Variants in AP4S1 observed in about 807,000 individuals in gnomAD.
AP4S1 encodes the protein AP-4 complex subunit sigma-1.
In AP4S1, 23 loss-of-function variants were observed where a neutral mutation model predicts 19.8. The ratio of observed to expected loss-of-function variants is 1.16; its 90% confidence interval spans 0.84 to 1.65. The LOEUF (loss-of-function observed/expected upper bound fraction) is 1.65, where lower values mean the gene tolerates loss of function less well. AP4S1 is among the 40% of genes most tolerant of loss of function. The pLI is 0.00. For missense variants in AP4S1, 166 were observed against 172.8 expected, an observed-to-expected ratio of 0.96 and a Z score of 0.22; for synonymous variants, 46 against 54.1, an observed-to-expected ratio of 0.85 and a Z score of 0.66.
intron 5 of AP4S1, among the ~76,000 whole-genome samples, chr14:31,082,763 G>T (rs1251208095): frequency 5.3e-5 from 8 of 152,152 alleles, no homozygotes; most frequent in Admixed American, 2.0e-4. Flanking sequence ...GGGCGCGGTG[G>T]CGGGCGCCTG....
At chr14:31,054,695 A>C (rs1885999413) in intron 1 of AP4S1, among the ~76,000 whole-genome samples, 1 of 151,786 alleles carries the variant, frequency 6.6e-6, no homozygotes, top group South Asian at 2.1e-4. Context: ...TCTCAAAAAA[A>C]TAAATTAATT....
intron 1 of AP4S1, chr14:31,032,981 A>G (rs938998314): frequency 4.6e-5 from 7 of 152,226 alleles, no homozygotes; most frequent in Non-Finnish European, 1.0e-4. Context: ...TGAAGAAAGA[A>G]AGCTGAAGAG....
intron 5 of AP4S1, among the ~76,000 whole-genome samples, chr14:31,088,807 CAAAAAAA>C (rs1283476951): frequency 8.5e-5 from 3 of 35,350 alleles, no homozygotes; most frequent in Non-Finnish European, 1.8e-4. Context: ...GACTCCATCT[CAAAAAAA>C]AAAAAAAAAA....
intron 4 of AP4S1, among the ~76,000 whole-genome samples, chr14:31,077,183 C>T (rs553049947): frequency 4.6e-5 from 7 of 152,240 alleles, no homozygotes; most frequent in African/African-American, 9.6e-5. Context: ...GTGATCCGCC[C>T]GCCTCAGCCT....
chr14:31,083,561 G>C (rs1205231199), intron 5 of AP4S1: 2 of 432,536 alleles, frequency 4.6e-6, no homozygotes, highest in African/African-American at 4.6e-5. Flanking sequence ...CTGGAGTGCA[G>C]AGGTGCGATC....
intron 1 of AP4S1, among the ~76,000 whole-genome samples, chr14:31,046,818 C>A (rs1247765485): frequency 6.7e-6 from 1 of 150,008 alleles, no homozygotes; most frequent in Non-Finnish European, 1.5e-5. Context: ...TGCACTCCAG[C>A]CTGGGCAACA....
chr14:31,063,745 G>T (rs1318132022), intron 1 of AP4S1, among the ~76,000 whole-genome samples: 4 of 152,170 alleles, frequency 2.6e-5, no homozygotes, highest in African/African-American at 9.7e-5. Flanking sequence ...ATTAGTGGAA[G>T]AATCGATGAA....
chr14:31,041,414 G>T (rs1885106419), intron 1 of AP4S1, among the ~76,000 whole-genome samples: 1 of 152,164 alleles, frequency 6.6e-6, no homozygotes, highest in South Asian at 2.1e-4. Flanking sequence ...CTCCCAAAGT[G>T]CTGGGATTAT....
At chr14:31,059,977 GTATATA>G (rs1886334156) in intron 1 of AP4S1, among the ~76,000 whole-genome samples, 1 of 71,156 alleles carries the variant, frequency 1.4e-5, no homozygotes, top group Non-Finnish European at 3.0e-5. Flanking sequence ...ATGTATTTAT[GTATATA>G]TGTATATATA....
chr14:31,081,628 G>C (rs1246647094), intron 5 of AP4S1, among the ~76,000 whole-genome samples: 1 of 151,448 alleles, frequency 6.6e-6, no homozygotes, highest in East Asian at 1.9e-4. Flanking sequence ...ATATAAAATA[G>C]TAAATTAATT....
At chr14:31,080,265 A>T (rs1887568589) in intron 4 of AP4S1, among the ~76,000 whole-genome samples, 1 of 152,256 alleles carries the variant, frequency 6.6e-6, no homozygotes, top group Non-Finnish European at 1.5e-5. Flanking sequence ...GCACATTGTT[A>T]AGATCTCTGA....
chr14:31,093,049 C>T lies in AP4S1; in HGVS notation c.*14C>T, dbSNP rs780204446. ...TCAGAAAGCTGAAAGGAAGTCTCTT[C>T]GAGACAATATGGATTTATCAGAAAT... is the stretch of plus-strand genomic sequence containing the variant. On this transcript the variant is annotated 3_prime_UTR_variant, in exon 6 of 6. Coordinates refer to ENST00000542754, the MANE Select transcript of AP4S1 (RefSeq NM_001128126.3). 45 of 1,546,552 alleles carry T rather than the reference C, an allele frequency of 2.9e-5. No homozygotes were observed. In the Admixed American group the frequency reaches 3.0e-4, roughly 10 times the overall value.
At chr14:31,031,331 T>A (rs8008526) in intron 1 of AP4S1, among the ~76,000 whole-genome samples, 16,406 of 152,206 alleles carry the variant, frequency 0.11, 1,019 homozygotes, top group South Asian at 0.24. Context: ...AAGTCATTTA[T>A]CTGAAGGATT....
intron 1 of AP4S1, chr14:31,026,957 C>A (rs1884027960): frequency 6.6e-6 from 1 of 152,372 alleles, no homozygotes; most frequent in Admixed American, 6.5e-5. Flanking sequence ...CAGTTCTCTG[C>A]TGGCAAATAG....
At chr14:31,054,310 A>G (rs1392685584) in intron 1 of AP4S1, among the ~76,000 whole-genome samples, 1 of 152,260 alleles carries the variant, frequency 6.6e-6, no homozygotes, top group African/African-American at 2.4e-5. Flanking sequence ...CCATACTTAC[A>G]TAAATAATAA....
chr14:31,056,543 G>A (rs1396611798), intron 1 of AP4S1, among the ~76,000 whole-genome samples: 2 of 151,984 alleles, frequency 1.3e-5, no homozygotes, highest in South Asian at 4.1e-4. Flanking sequence ...ACTTTTAGTA[G>A]AGATGGGGTT....
At chr14:31,071,199 G>A (rs1312998256) in intron 3 of AP4S1, among the ~76,000 whole-genome samples, 3 of 152,128 alleles carry the variant, frequency 2.0e-5, no homozygotes, top group Non-Finnish European at 4.4e-5. Context: ...ATCCCTGAAA[G>A]GATGTTTTAG....
chr14:31,075,602 G>A (rs1372448286), intron 4 of AP4S1, among the ~76,000 whole-genome samples: 7 of 152,174 alleles, frequency 4.6e-5, no homozygotes, highest in Non-Finnish European at 7.4e-5. Flanking sequence ...AAATAGAATT[G>A]TACAACATGT....
chr14:31,071,381 G>A (rs1178858711), intron 3 of AP4S1, among the ~76,000 whole-genome samples: 2 of 152,096 alleles, frequency 1.3e-5, no homozygotes, highest in African/African-American at 4.8e-5. Flanking sequence ...TAGACACTAA[G>A]ATTTTAATCT....
Sources: allele counts gnomAD v4.1 joint callset (sites outside exome capture counted in the v4.1 genomes callset), GRCh38; gene constraint gnomAD v4.1.1; transcripts MANE v1.5; gene names NCBI Gene and HGNC (gene_info 2026-07-23, HGNC 2026-07-21).